Variants in PID1 observed in about 807,000 individuals in gnomAD.
PID1 encodes the protein PTB-containing, cubilin and LRP1-interacting protein.
PID1 carries 10 observed loss-of-function variants against 19.1 expected under a neutral mutation model. That is an observed-to-expected ratio of 0.52 (90% CI 0.32 to 0.89). PID1 has a LOEUF of 0.89. PID1 is among the 40% of genes least tolerant of loss of function. PID1 has a pLI of 0.03. For synonymous variants in PID1, 130 were observed against 116.0 expected, an observed-to-expected ratio of 1.12 and a Z score of -0.78; for missense variants, 248 against 285.3, an observed-to-expected ratio of 0.87 and a Z score of 0.94.
chr2:229,113,570 G>A (rs1695345635), intron 2 of PID1, among the ~76,000 whole-genome samples: 1 of 133,980 alleles, frequency 7.5e-6, no homozygotes, highest in African/African-American at 2.8e-5. Flanking sequence ...AGTTGTTTGT[G>A]TATGTGTGTA....
At chr2:229,234,884 A>G (rs1692291591) in intron 1 of PID1, among the ~76,000 whole-genome samples, 1 of 152,190 alleles carries the variant, frequency 6.6e-6, no homozygotes, top group South Asian at 2.1e-4. Flanking sequence ...GCTAAATATT[A>G]AATATAAAAA....
intron 1 of PID1, among the ~76,000 whole-genome samples, chr2:229,177,460 T>C (rs16825819): frequency 0.017 from 2,621 of 152,328 alleles, 81 homozygotes; most frequent in African/African-American, 0.06. Context: ...ATTGTTATTT[T>C]CTTTTTTCGT....
rs1013818560 is a variant in PID1 at position 229,194,957 on chromosome 2, C to T, written c.31-38993G>A. Among the ~76,000 whole-genome samples, 6 of 151,818 alleles carry T rather than the reference C, an allele frequency of 4.0e-5. No homozygotes were observed. The East Asian group carries it at 5.8e-4, about 15-fold the overall frequency. The stretch of plus-strand genomic sequence containing the variant: ...AATTACTGTAAGCAAATGATTACTA[C>T]GAAGCAGTTTAATATATCTTTGCGG... On this transcript the variant is annotated intron_variant, in intron 1 of 2. Transcript: ENST00000392055.
chr2:229,234,696 T>TG (rs562381258), intron 1 of PID1, among the ~76,000 whole-genome samples: 3 of 152,088 alleles, frequency 2.0e-5, no homozygotes, highest in Admixed American at 6.5e-5. Flanking sequence ...AGGGTGAGAA[T>TG]GGGGGGCCAT....
chr2:229,182,038 G>A (rs1339932830), intron 1 of PID1, among the ~76,000 whole-genome samples: 1 of 152,206 alleles, frequency 6.6e-6, no homozygotes, highest in East Asian at 1.9e-4. Context: ...ATTAGTGGTT[G>A]CCAGGGGTTT....
chr2:229,161,054 C>T (rs1384305883), intron 1 of PID1, among the ~76,000 whole-genome samples: 3 of 152,246 alleles, frequency 2.0e-5, no homozygotes, highest in South Asian at 2.1e-4. Context: ...AATGTCATTG[C>T]CCCCTTTACA....
At chr2:229,134,813 C>T (rs1383220766) in intron 2 of PID1, among the ~76,000 whole-genome samples, 1 of 151,994 alleles carries the variant, frequency 6.6e-6, no homozygotes, top group African/African-American at 2.4e-5. Flanking sequence ...AAGAGATATG[C>T]CATACTTATT....
intron 1 of PID1, among the ~76,000 whole-genome samples, chr2:229,181,125 C>A (rs1042649556): frequency 2.0e-5 from 3 of 152,216 alleles, no homozygotes; most frequent in Non-Finnish European, 4.4e-5. Flanking sequence ...GGAGGGGCAA[C>A]CCACACCTTC....
intron 2 of PID1, among the ~76,000 whole-genome samples, chr2:229,130,495 C>A (rs544207800): frequency 3.7e-4 from 56 of 152,250 alleles, no homozygotes; most frequent in African/African-American, 1.3e-3. Flanking sequence ...AGGAAAAGAT[C>A]ATTTGTTGAG....
chr2:229,092,505 T>C (rs183702815), intron 2 of PID1, among the ~76,000 whole-genome samples: 3 of 152,318 alleles, frequency 2.0e-5, no homozygotes, highest in Non-Finnish European at 4.4e-5. Context: ...ATCTCTCTAG[T>C]GGCACCATCA....
intron 1 of PID1, among the ~76,000 whole-genome samples, chr2:229,169,686 C>A (rs1325394947): frequency 6.6e-6 from 1 of 152,158 alleles, no homozygotes; most frequent in Non-Finnish European, 1.5e-5. Context: ...TACTGACTAT[C>A]TGGTTGTGGT....
chr2:229,137,890 T>G (rs4973160), intron 2 of PID1, among the ~76,000 whole-genome samples: 86,043 of 152,022 alleles, frequency 0.57, 25,290 homozygotes, highest in East Asian at 0.87. Flanking sequence ...ACTGGAATAT[T>G]CACAAGAGAG....
At chr2:229,253,174 G>T (rs1354217119) in intron 1 of PID1, among the ~76,000 whole-genome samples, 1 of 152,162 alleles carries the variant, frequency 6.6e-6, no homozygotes, top group Admixed American at 6.5e-5. Flanking sequence ...ATGAAGCTCA[G>T]ACAGACTAAG....
chr2:229,156,572 T>C (rs1221548619), intron 1 of PID1, among the ~76,000 whole-genome samples: 1 of 152,156 alleles, frequency 6.6e-6, no homozygotes, highest in Non-Finnish European at 1.5e-5. Context: ...CACATTCAAT[T>C]ACTGCTATCC....
Position 229,116,507 on chromosome 2 carries a change from C to A in PID1, c.177+39311G>T, listed in dbSNP as rs577508009. Among the ~76,000 whole-genome samples the A allele has an allele frequency of 1.5e-3, 233 of 152,150 alleles. 3 individuals carry two copies. The South Asian group carries it at 0.019, about 12-fold the overall frequency. ...AATTCCCATGTGTCATGGTAGGGAC[C>A]CAGCAGGAGGTAACTGAATCATGGG... is the stretch of plus-strand genomic sequence containing the variant. On this transcript the variant is annotated intron_variant, in intron 2 of 2. Coordinates refer to ENST00000392055, the MANE Select transcript of PID1 (RefSeq NM_001100818.2).
chr2:229,129,853 T>C (rs897425085), intron 2 of PID1, among the ~76,000 whole-genome samples: 5 of 152,164 alleles, frequency 3.3e-5, no homozygotes, highest in African/African-American at 7.2e-5. Flanking sequence ...CCACGGCTTC[T>C]AGTCGTGTTC....
intron 2 of PID1, among the ~76,000 whole-genome samples, chr2:229,052,589 G>A (rs1039822521): frequency 1.3e-5 from 2 of 151,620 alleles, no homozygotes; most frequent in African/African-American, 2.4e-5. Context: ...AATATTTGCT[G>A]CTTTTAAGAC....
chr2:229,201,405 C>T (rs566126412), intron 1 of PID1, among the ~76,000 whole-genome samples: 2 of 152,102 alleles, frequency 1.3e-5, no homozygotes, highest in Admixed American at 1.3e-4. Flanking sequence ...CTTTATTTCC[C>T]TTAGCATAAT....
intron 1 of PID1, among the ~76,000 whole-genome samples, chr2:229,237,878 C>T (rs1041302610): frequency 3.3e-5 from 5 of 152,132 alleles, no homozygotes; most frequent in African/African-American, 7.2e-5. Flanking sequence ...TATACTGACA[C>T]TGGAATTAAT....
Sources: gnomAD v4.1 joint callset for allele counts (sites outside exome capture counted in the v4.1 genomes callset) on GRCh38, gnomAD v4.1.1 for gene constraint, MANE v1.5 for transcripts, NCBI Gene and HGNC (gene_info 2026-07-23, HGNC 2026-07-21) for gene names.